The following ASTN1 variants were observed in gnomAD, a reference collection of about 807,000 sequenced individuals.
The protein encoded by ASTN1 is astrotactin-1.
In ASTN1, 41 loss-of-function variants were observed where a neutral mutation model predicts 140.7. The observed-to-expected ratio is 0.29, with a 90% CI of 0.23 to 0.38. The LOEUF (loss-of-function observed/expected upper bound fraction) is 0.38. Among genes scored for constraint, ASTN1 ranks in the 10% least tolerant of loss-of-function variants. The probability of loss-of-function intolerance (pLI) is 1.00; values close to 1 mark genes in which losing one functional copy is unlikely to be tolerated. For synonymous variants in ASTN1, 640 were observed against 652.2 expected (o/e 0.98, Z 0.29); for missense variants, 1,479 against 1,678.8 (o/e 0.88, Z 2.08).
chr1:177,077,807 C>A (rs6687158), intron 1 of ASTN1, among the ~76,000 whole-genome samples: 2,476 of 152,228 alleles, frequency 0.016, 65 homozygotes, highest in African/African-American at 0.056. Context: ...TGAGGCCCTT[C>A]ATTTCACATG....
At chr1:177,027,713 AGTGT>A (rs56405518) in intron 5 of ASTN1, among the ~76,000 whole-genome samples, 5,398 of 118,572 alleles carry the variant, frequency 0.046, 172 homozygotes, top group African/African-American at 0.1. Context: ...AACCCAGTAC[AGTGT>A]GTGTGTGTGT....
At chr1:176,857,555 T>A (rs1667849607), downstream of ASTN1, 1 of 513,836 alleles carries the variant, frequency 1.9e-6, no homozygotes, top group Non-Finnish European at 3.5e-6. Context: ...GGAGATGCCA[T>A]CTGAGGCAGG....
intron 5 of ASTN1, 86 bp downstream of exon 5, chr1:177,029,548 C>A: frequency 1.4e-6 from 2 of 1,392,144 alleles, no homozygotes; most frequent in South Asian, 1.2e-5. Flanking sequence ...ATAGAGCCCA[C>A]AACCCAACCC....
intron 1 of ASTN1, among the ~76,000 whole-genome samples, chr1:177,143,650 TTA>T (rs1257148417): frequency 1.3e-5 from 2 of 152,234 alleles, no homozygotes; most frequent in African/African-American, 2.4e-5. Flanking sequence ...AAAGTCACTT[TTA>T]TGTTTTTTAA....
At chr1:177,074,865 A>G (rs1678812303) in intron 1 of ASTN1, among the ~76,000 whole-genome samples, 1 of 152,224 alleles carries the variant, frequency 6.6e-6, no homozygotes, top group Non-Finnish European at 1.5e-5. Context: ...AAATTCTTCA[A>G]TAAAAACTGA....
intron 8 of ASTN1, among the ~76,000 whole-genome samples, chr1:176,977,322 ATAT>A (rs1673409231): frequency 6.6e-6 from 1 of 152,244 alleles, no homozygotes; most frequent in African/African-American, 2.4e-5. Flanking sequence ...TACTTAAAAA[ATAT>A]TATCCAGTTT....
intron 1 of ASTN1, among the ~76,000 whole-genome samples, chr1:177,125,253 A>T (rs1312779874): frequency 6.6e-6 from 1 of 152,238 alleles, no homozygotes; most frequent in Non-Finnish European, 1.5e-5. Flanking sequence ...TTGGATAAAC[A>T]GAGAGAGAAG....
rs189359354 is a variant in ASTN1, at chr1:176,876,772, G to A, written c.3363-135C>T. On this transcript the variant is annotated intron_variant, in intron 20 of 22. Coordinates refer to ENST00000361833, the MANE Select transcript of ASTN1 (RefSeq NM_004319.3). The stretch of plus-strand genomic sequence containing the variant: ...AGATACTCTCGTCATCCTGGGTCAC[G>A]TTTACTGCCACCATCCCAGGCAGAA... 233 of 779,834 alleles carry A rather than the reference G, an allele frequency of 3.0e-4. 1 individual carries two copies. Among genetic ancestry groups the A allele is most frequent in the Non-Finnish European group, 3.9e-4 (191 of 487,620 alleles). 48.3% of individuals were successfully genotyped at this position (779,834 alleles called of 1,614,324 possible).
At chr1:176,945,351 T>C (rs1316185325) in intron 13 of ASTN1, among the ~76,000 whole-genome samples, 2 of 152,208 alleles carry the variant, frequency 1.3e-5, no homozygotes, top group African/African-American at 2.4e-5. Context: ...AATGAATTCA[T>C]TCAATATTAA....
chr1:177,054,856 G>A (rs1157817930), intron 2 of ASTN1, among the ~76,000 whole-genome samples: 2 of 152,192 alleles, frequency 1.3e-5, no homozygotes, highest in Admixed American at 6.5e-5. Flanking sequence ...AGCAAGAGGA[G>A]CAATAGAAAC....
At chr1:177,001,938 G>A (rs1231292677) in intron 8 of ASTN1, among the ~76,000 whole-genome samples, 3 of 152,206 alleles carry the variant, frequency 2.0e-5, no homozygotes, top group Non-Finnish European at 4.4e-5. Flanking sequence ...ACACAAGGGA[G>A]TCTGTTCTAT....
chr1:177,067,846 G>C (rs925890189), intron 1 of ASTN1, among the ~76,000 whole-genome samples: 1 of 152,100 alleles, frequency 6.6e-6, no homozygotes, highest in Admixed American at 6.6e-5. Flanking sequence ...GCAGAGAGGA[G>C]GAACAAAGTC....
At chr1:176,971,231 T>A (rs1212805919) in intron 8 of ASTN1, among the ~76,000 whole-genome samples, 1 of 152,082 alleles carries the variant, frequency 6.6e-6, no homozygotes, top group Non-Finnish European at 1.5e-5. Context: ...ATGGCAAAAA[T>A]GAATTTTTCT....
chr1:176,921,625 C>G (rs566620960), intron 16 of ASTN1, among the ~76,000 whole-genome samples: 1 of 152,242 alleles, frequency 6.6e-6, no homozygotes, highest in East Asian at 1.9e-4. Flanking sequence ...ACAAATGCAT[C>G]TAACCCAGGT....
intron 20 of ASTN1, among the ~76,000 whole-genome samples, chr1:176,881,939 AACTG>A (rs1668817758): frequency 3.3e-5 from 5 of 152,170 alleles, no homozygotes; most frequent in Admixed American, 2.0e-4. Context: ...CTCCTCTGCA[AACTG>A]TTAAATGTTT....
chr1:177,046,191 G>C (rs953638822), intron 2 of ASTN1, among the ~76,000 whole-genome samples: 1 of 152,120 alleles, frequency 6.6e-6, no homozygotes, highest in Non-Finnish European at 1.5e-5. Flanking sequence ...TGAAGGCTCA[G>C]TGTTCCCCTG....
intron 17 of ASTN1, among the ~76,000 whole-genome samples, chr1:176,892,498 C>T (rs532780264): frequency 6.6e-6 from 1 of 152,188 alleles, no homozygotes; most frequent in African/African-American, 2.4e-5. Context: ...GAATATAGTG[C>T]CATTCACTGG....
chr1:176,946,456 C>G (rs373663254), intron 12 of ASTN1, among the ~76,000 whole-genome samples: 3 of 152,264 alleles, frequency 2.0e-5, no homozygotes, highest in African/African-American at 7.2e-5. Context: ...TGAGTTAGCA[C>G]ATTTAAATCC....
Position 176,948,853 on chromosome 1 carries a change from A to G in ASTN1, c.2054+332T>C, listed in dbSNP as rs115680500. On this transcript the variant is annotated intron_variant, in intron 12 of 22. Transcript: ENST00000361833. Reference sequence around the variant, plus strand: ...ACCTTTTGTCACAAAACACTTAATTAACATAGCCTTTCAAAACACAACTTG... The same window carrying G: ...ACCTTTTGTCACAAAACACTTAATTGACATAGCCTTTCAAAACACAACTTG... Among the ~76,000 whole-genome samples, 583 of 152,342 alleles carry G rather than the reference A, an allele frequency of 3.8e-3. 3 individuals carry two copies. The highest frequency in any genetic ancestry group is 0.013 in the African/African-American group (554 of 41,582).
Sources: allele counts gnomAD v4.1 joint callset (sites outside exome capture counted in the v4.1 genomes callset), GRCh38; gene constraint gnomAD v4.1.1; transcripts MANE v1.5; gene names NCBI Gene and HGNC (gene_info 2026-07-23, HGNC 2026-07-21).